Variants in APBB1IP observed in about 807,000 individuals in gnomAD.
APBB1IP encodes the protein amyloid beta A4 precursor protein-binding family B member 1-interacting protein.
A neutral mutation model predicts 64.9 loss-of-function variants in APBB1IP; 27 were observed. The ratio of observed to expected loss-of-function variants is 0.42; its 90% CI spans 0.31 to 0.57. APBB1IP has a LOEUF of 0.57. Ranked by LOEUF, APBB1IP falls within the 20% of genes least tolerant of loss-of-function variation. The pLI is 0.20. For synonymous variants in APBB1IP, 392 were observed against 331.0 expected, an observed-to-expected ratio of 1.18 and a Z score of -2.00; for missense variants, 812 against 845.5, an observed-to-expected ratio of 0.96 and a Z score of 0.49.
intron 11 of APBB1IP, among the ~76,000 whole-genome samples, chr10:26,547,499 T>A (rs1836781219): frequency 6.6e-6 from 1 of 152,164 alleles, no homozygotes; most frequent in Non-Finnish European, 1.5e-5. Flanking sequence ...TGGAGTGCAA[T>A]GGCATGATCT....
At chr10:26,558,713 G>A (rs1311483202) in intron 11 of APBB1IP, among the ~76,000 whole-genome samples, 3 of 152,048 alleles carry the variant, frequency 2.0e-5, no homozygotes, top group Non-Finnish European at 4.4e-5. Flanking sequence ...GGAGTTAGAG[G>A]CTGCAGTGAG....
At chr10:26,516,844 C>T (rs1384300845) in intron 8 of APBB1IP, among the ~76,000 whole-genome samples, 2 of 152,084 alleles carry the variant, frequency 1.3e-5, no homozygotes, top group East Asian at 1.9e-4. Context: ...TGGGGTCCCG[C>T]GTTTTTATTT....
rs1038557094 is a variant in APBB1IP, at chr10:26,552,626, G to T, written c.1156-7479G>T. 4.3e-4 allele frequency among the ~76,000 whole-genome samples: 64 copies of T among 148,572 alleles called. 2 individuals carry two copies. Reference sequence around the variant, plus strand: ...AAAAGAAAGGAATGAAAGAAAGAAAGAAGGAAAGAAAAAAAAAAGGAAGGA... The same window carrying T: ...AAAAGAAAGGAATGAAAGAAAGAAATAAGGAAAGAAAAAAAAAAGGAAGGA... On this transcript the variant is annotated intron_variant, in intron 11 of 14. Coordinates refer to ENST00000376236, the MANE Select transcript of APBB1IP (RefSeq NM_019043.4).
At chr10:26,547,400 T>G (rs1836779410) in intron 11 of APBB1IP, among the ~76,000 whole-genome samples, 2 of 152,056 alleles carry the variant, frequency 1.3e-5, no homozygotes, top group Admixed American at 6.6e-5. Context: ...TTCACCGTTT[T>G]GGGTCTTTCT....
chr10:26,504,983 T>C (rs2132440565), intron 6 of APBB1IP, among the ~76,000 whole-genome samples: 1 of 152,242 alleles, frequency 6.6e-6, no homozygotes, highest in Admixed American at 6.5e-5. Context: ...CTCGGACTCC[T>C]AGGCTCAAGC....
chr10:26,511,178 T>C (rs1836254325), intron 6 of APBB1IP, among the ~76,000 whole-genome samples: 1 of 151,710 alleles, frequency 6.6e-6, no homozygotes, highest in Non-Finnish European at 1.5e-5. Context: ...CCATCTCCAC[T>C]GGAAAAAGAA....
rs755043131 is a variant in APBB1IP, at chr10:26,566,263, T to G, written c.1474-698T>G. Among the ~76,000 whole-genome samples, 74 of 152,086 alleles carry G rather than the reference T, an allele frequency of 4.9e-4. 1 individual carries two copies. The highest frequency in any genetic ancestry group is 7.7e-4 in the African/African-American group (32 of 41,488). Reference sequence around the variant, plus strand: ...GCGAGACTCCATCTCTAAAAATATATATAGAGAGAGAGACATAGTCTCGTT... The same window carrying G: ...GCGAGACTCCATCTCTAAAAATATAGATAGAGAGAGAGACATAGTCTCGTT... On this transcript the variant is annotated intron_variant, in intron 14 of 14. Coordinates refer to ENST00000376236, the MANE Select transcript of APBB1IP (RefSeq NM_019043.4).
chr10:26,562,278 G>A (rs1836982999), intron 13 of APBB1IP, 48 bp from the exon 14 acceptor site: 1 of 1,389,380 alleles, frequency 7.2e-7, no homozygotes, highest in Non-Finnish European at 1.0e-6. Flanking sequence ...TTTCAAGAAT[G>A]TTGAAAATGC....
Position 26,500,899 on chromosome 10 carries a change from A to T in APBB1IP, c.241A>T (p.Arg81Trp). Residue 81 changes from arginine (R) to tryptophan (W), a missense_variant, in exon 5 of 15, where the codon AGG becomes TGG. By Grantham distance (101) the Arg-to-Trp change is moderately radical (BLOSUM62 -3). Coordinates refer to ENST00000376236, the MANE Select transcript of APBB1IP (RefSeq NM_019043.4). ...AGCAGACATAAGTGAGGCTGAGCAG[A>T]GGACAATCCAGGCACAGAAAGAGTC... ...LVADISEAEQ[R>W]TIQAQKESLQ... 1 of 1,614,238 alleles carries T rather than the reference A, an allele frequency of 6.2e-7. No individual in the cohort carries two copies. Among genetic ancestry groups the T allele is most frequent in the Non-Finnish European group, 8.5e-7 (1 of 1,180,032 alleles).
At chr10:26,531,785 C>G (rs1449967949) in intron 8 of APBB1IP, among the ~76,000 whole-genome samples, 1 of 151,990 alleles carries the variant, frequency 6.6e-6, no homozygotes, top group Non-Finnish European at 1.5e-5. Context: ...ACACTTGATT[C>G]TCAAACTTCA....
At chr10:26,560,883 C>T (rs1836959723) in intron 13 of APBB1IP, 39 bp downstream of exon 13, 1 of 1,483,268 alleles carries the variant, frequency 6.7e-7, no homozygotes, top group Non-Finnish European at 9.2e-7. Flanking sequence ...ATATTCAAAG[C>T]TTGGTGCTCC....
chr10:26,445,300 A>G (rs1835384799), intron 2 of APBB1IP, among the ~76,000 whole-genome samples: 1 of 152,220 alleles, frequency 6.6e-6, no homozygotes, highest in South Asian at 2.1e-4. Flanking sequence ...CTAAAATAAG[A>G]ATATAGTTAG....
At chr10:26,526,751 T>C (rs2132457738) in intron 8 of APBB1IP, among the ~76,000 whole-genome samples, 1 of 152,152 alleles carries the variant, frequency 6.6e-6, no homozygotes, top group Admixed American at 6.6e-5. Context: ...TATCAATTTA[T>C]CATAAAAGGA....
chr10:26,513,300 A>G (rs1003256829), intron 7 of APBB1IP, among the ~76,000 whole-genome samples: 1 of 152,238 alleles, frequency 6.6e-6, no homozygotes, highest in Non-Finnish European at 1.5e-5. Context: ...TAAGTGTGAC[A>G]GCTGACCATT....
At chr10:26,530,230 T>C (rs922343769) in intron 8 of APBB1IP, among the ~76,000 whole-genome samples, 4 of 73,152 alleles carry the variant, frequency 5.5e-5, no homozygotes, top group Non-Finnish European at 1.0e-4. Flanking sequence ...TTCTTTTTCT[T>C]TTTTTTTTTT....
intron 2 of APBB1IP, among the ~76,000 whole-genome samples, chr10:26,449,633 G>C (rs1242737802): frequency 6.6e-6 from 1 of 152,164 alleles, no homozygotes; most frequent in African/African-American, 2.4e-5. Context: ...GACTAAAAGT[G>C]TTCCAGGTAT....
intron 2 of APBB1IP, among the ~76,000 whole-genome samples, chr10:26,457,334 T>C (rs1365317160): frequency 6.6e-6 from 1 of 152,144 alleles, no homozygotes; most frequent in Non-Finnish European, 1.5e-5. Context: ...AGAGACAGGG[T>C]CTAACTCTGC....
intron 9 of APBB1IP, 92 bp downstream of exon 9, chr10:26,533,617 G>C (rs1836581047): frequency 5.7e-6 from 4 of 703,724 alleles, no homozygotes; most frequent in Non-Finnish European, 8.6e-6. Flanking sequence ...AAAATCTAAA[G>C]ACATACACTG....
At chr10:26,506,118 T>A (rs1316548859) in intron 6 of APBB1IP, among the ~76,000 whole-genome samples, 6 of 152,118 alleles carry the variant, frequency 3.9e-5, no homozygotes, top group Non-Finnish European at 8.8e-5. Flanking sequence ...TCGCTGTGCA[T>A]CTCCTTTAAG....
Sources: allele counts gnomAD v4.1 joint callset (sites outside exome capture counted in the v4.1 genomes callset), GRCh38; gene constraint gnomAD v4.1.1; transcripts MANE v1.5; gene names NCBI Gene and HGNC (gene_info 2026-07-23, HGNC 2026-07-21).